The following PPP2R3B variants were observed in gnomAD, a reference collection of about 807,000 sequenced individuals.
The protein encoded by PPP2R3B is serine/threonine-protein phosphatase 2A regulatory subunit B'' subunit beta.
In PPP2R3B, 68 loss-of-function variants were observed where a neutral mutation model predicts 72.9. The ratio of observed to expected loss-of-function variants is 0.93; its 90% confidence interval spans 0.77 to 1.14. The LOEUF (loss-of-function observed/expected upper bound fraction) is 1.14, where lower values mean the gene tolerates loss of function less well. Among genes scored for constraint, PPP2R3B ranks in the 50% most tolerant of loss-of-function variants. The pLI is 0.00. For missense variants in PPP2R3B, 1,018 were observed against 842.0 expected (o/e 1.21, Z -2.59); for synonymous variants, 466 against 375.8 (o/e 1.24, Z -2.78).
chrX:351,391 A>G (rs1163551859), intron 2 of PPP2R3B, among the ~76,000 whole-genome samples: 1 of 152,112 alleles, frequency 6.6e-6, no homozygotes, highest in African/African-American at 2.4e-5. Context: ...GAGCCTTCAC[A>G]TCTGTGCTCC....
intron 9 of PPP2R3B, 115 bp from the exon 10 acceptor site, chrX:341,055 C>G: frequency 7.0e-7 from 1 of 1,432,818 alleles, no homozygotes; most frequent in Admixed American, 2.1e-5. Context: ...CCTTGCAGCC[C>G]CCACCGGGCG....
chrX:344,991 G>C (rs1349503916), intron 7 of PPP2R3B: 1 of 357,854 alleles, frequency 2.8e-6, no homozygotes, highest in African/African-American at 2.1e-5. Context: ...AGGCCGCTTT[G>C]AGTTCCTGCA....
chrX:369,808 C>T (rs2071816661), intron 1 of PPP2R3B, among the ~76,000 whole-genome samples: 1 of 152,222 alleles, frequency 6.6e-6, no homozygotes, highest in Non-Finnish European at 1.5e-5. Flanking sequence ...AAGGGACGCT[C>T]AGTACGGGCT....
chrX:354,528 A>T (rs962153825), intron 2 of PPP2R3B, among the ~76,000 whole-genome samples: 1 of 152,208 alleles, frequency 6.6e-6, no homozygotes, highest in African/African-American at 2.4e-5. Flanking sequence ...TCCCGGACAA[A>T]CTTCAAGGCA....
At chrX:380,956 GAC>G (rs1166844207) in intron 1 of PPP2R3B, among the ~76,000 whole-genome samples, 1 of 147,506 alleles carries the variant, frequency 6.8e-6, no homozygotes, top group Non-Finnish European at 1.5e-5. Context: ...TTTTTTTAGA[GAC>G]AGAGTCTCAC....
intron 8 of PPP2R3B, chrX:341,655 G>A (rs1341008644): frequency 3.1e-6 from 2 of 651,324 alleles, no homozygotes; most frequent in Non-Finnish European, 5.4e-6. Flanking sequence ...AAGAACCCCC[G>A]ACCTGGGGCC....
At chrX:367,764 G>C (rs892528353) in intron 1 of PPP2R3B, among the ~76,000 whole-genome samples, 75 of 152,318 alleles carry the variant, frequency 4.9e-4, no homozygotes, top group African/African-American at 1.7e-3. Flanking sequence ...ACTGCAGAAA[G>C]AAAACAGCAT....
chrX:368,270 A>G (rs2071770253), intron 1 of PPP2R3B, among the ~76,000 whole-genome samples: 1 of 143,384 alleles, frequency 7.0e-6, no homozygotes, highest in African/African-American at 2.7e-5. Context: ...GACACGGGGA[A>G]GGCCGGGACC....
intron 7 of PPP2R3B, among the ~76,000 whole-genome samples, chrX:344,246 G>C (rs1486024963): frequency 9.0e-6 from 1 of 110,834 alleles, no homozygotes; most frequent in African/African-American, 2.9e-5. Context: ...AGGCCGGAGT[G>C]AGACCTCACC....
chrX:386,859 G>C lies in PPP2R3B; in HGVS notation c.-168C>G. The stretch of plus-strand genomic sequence containing the variant: ...GAACTGCGCGGACTCGCGGGGCGCG[G>C]GGACCGAGGAGGGGGCGCGGTCCGG... On this transcript the variant is annotated 5_prime_UTR_variant, in exon 1 of 13. Transcript: ENST00000390665. 4.0e-6 allele frequency: 1 copy of C among 250,980 alleles called. No homozygotes were observed. The highest frequency in any genetic ancestry group is 5.8e-5 in the Admixed American group (1 of 17,346). 15.5% of individuals were successfully genotyped at this position (250,980 alleles called of 1,614,324 possible). A position where few individuals can be genotyped will look rare whatever the true frequency, so the allele number is the denominator to read the frequency against.
chrX:336,344 T>G (rs1198287071), intron 12 of PPP2R3B: 2 of 151,992 alleles, frequency 1.3e-5, no homozygotes, highest in East Asian at 3.9e-4. Context: ...TCTGAGAAAT[T>G]CGGCCCCCAC....
intron 1 of PPP2R3B, among the ~76,000 whole-genome samples, chrX:367,899 G>A (rs1053339584): frequency 2.6e-5 from 4 of 152,190 alleles, no homozygotes; most frequent in South Asian, 2.1e-4. Flanking sequence ...AGCTGGTGTC[G>A]CTGTATTAAC....
rs1409249215 is a variant in PPP2R3B at position 338,613 on chromosome X, C to T, written c.1568G>A (p.Trp523Ter). The change falls in exon 12 of 13, where the codon TGG becomes TAG. Residue 523 changes from tryptophan (W) to a stop codon, truncating the protein, a stop_gained. Coordinates refer to ENST00000390665, the MANE Select transcript of PPP2R3B (RefSeq NM_013239.5). LOFTEE classifies it high-confidence loss of function. ...LVAEETAGEPWEDGFEAELSP... is the reference protein window; with the variant it reads ...LVAEETAGEP ...CGTCCTCCCCACTCACCCGTCCTCC[C>T]AGGGCTCTCCCGCAGTCTCCTCGGC... 1 of 1,609,642 alleles carries T rather than the reference C, an allele frequency of 6.2e-7. No individual in the cohort carries two copies. Among genetic ancestry groups the T allele is most frequent in the South Asian group, 1.1e-5 (1 of 90,716 alleles).
intron 1 of PPP2R3B, chrX:373,653 C>T (rs1413887760): frequency 1.1e-5 from 3 of 267,190 alleles, no homozygotes; most frequent in Non-Finnish European, 2.4e-5. Context: ...CTCGCGGAGT[C>T]GCATGCCGCC....
At chrX:359,386 C>G (rs1409658565) in intron 2 of PPP2R3B, among the ~76,000 whole-genome samples, 3 of 152,230 alleles carry the variant, frequency 2.0e-5, no homozygotes, top group Non-Finnish European at 4.4e-5. Context: ...CCACACGGGA[C>G]AAGGAGATGG....
At chrX:355,602 G>T (rs1049516264) in intron 2 of PPP2R3B, among the ~76,000 whole-genome samples, 17 of 152,194 alleles carry the variant, frequency 1.1e-4, no homozygotes, top group Non-Finnish European at 2.4e-4. Context: ...ACGCGATCCG[G>T]CCCTCCACAC....
At chrX:347,791 C>G in intron 2 of PPP2R3B, 98 bp from the exon 3 acceptor site, 1 of 881,238 alleles carries the variant, frequency 1.1e-6, no homozygotes, top group South Asian at 1.8e-5. Context: ...CAGAGACCCT[C>G]TGCTGCAGAA....
At chrX:352,503 GGGACTCACACACCTTGCTCTGT>G (rs1172406064) in intron 2 of PPP2R3B, among the ~76,000 whole-genome samples, 1 of 88,484 alleles carries the variant, frequency 1.1e-5, no homozygotes, top group Non-Finnish European at 2.3e-5. Flanking sequence ...ACATGCGTGT[GGGACTCACACACCTTGCTCTGT>G]GTGGATCGTC....
At chrX:335,870 A>T (rs1214245144) in intron 12 of PPP2R3B, 3 of 152,238 alleles carry the variant, frequency 2.0e-5, no homozygotes, top group Non-Finnish European at 2.9e-5. Context: ...CACACAAACC[A>T]GCAAAGCTCA....
Sources: allele counts gnomAD v4.1 joint callset (sites outside exome capture counted in the v4.1 genomes callset), GRCh38; gene constraint gnomAD v4.1.1; transcripts MANE v1.5; gene names NCBI Gene and HGNC (gene_info 2026-07-23, HGNC 2026-07-21).